NTPCR: variants seen among roughly 807,000 people sequenced by gnomAD.
NTPCR encodes cancer-related nucleoside-triphosphatase.
A neutral mutation model predicts 19.5 loss-of-function variants in NTPCR; 15 were observed. The ratio of observed to expected loss-of-function variants is 0.77; its 90% CI spans 0.51 to 1.18. NTPCR has a LOEUF of 1.18. Ranked by LOEUF, NTPCR falls within the 50% of genes most tolerant of loss-of-function variation. NTPCR has a pLI of 0.00. For missense variants in NTPCR, 206 were observed against 240.4 expected, an observed-to-expected ratio of 0.86 and a Z score of 0.95; for synonymous variants, 90 against 95.8, an observed-to-expected ratio of 0.94 and a Z score of 0.36.
chr1:232,972,505 C>T (rs1669012039), intron 4 of NTPCR, among the ~76,000 whole-genome samples: 1 of 152,106 alleles, frequency 6.6e-6, no homozygotes, highest in South Asian at 2.1e-4. Context: ...TGGCTCACTG[C>T]ATCCTCTGCC....
At chr1:232,976,493 C>T (rs781357322) in intron 4 of NTPCR, 54 of 1,542,904 alleles carry the variant, frequency 3.5e-5, no homozygotes, top group South Asian at 1.7e-4. Flanking sequence ...ACCTCTGTGT[C>T]GCCTCCTTTC....
At chr1:232,966,088 A>G (rs1454182978) in intron 3 of NTPCR, 1 of 152,224 alleles carries the variant, frequency 6.6e-6, no homozygotes, top group Non-Finnish European at 1.5e-5. Flanking sequence ...GAAGGCTTGG[A>G]ATAAACACAC....
rs1669204416 is a variant in NTPCR, at chr1:232,978,405, G to A, written c.*174G>A. On this transcript the variant is annotated 3_prime_UTR_variant, in exon 5 of 5. Coordinates refer to ENST00000366628, the MANE Select transcript of NTPCR (RefSeq NM_032324.3). ...TTTAAAAGATCAAATTAGCCTTAATGCTGGATTGTCTGTACAAGATTAACT... is the reference window on the plus strand; with the variant it reads ...TTTAAAAGATCAAATTAGCCTTAATACTGGATTGTCTGTACAAGATTAACT... The A allele has an allele frequency of 1.7e-6, 1 of 581,454 alleles. No homozygotes were observed. The highest frequency in any genetic ancestry group is 3.1e-6 in the Non-Finnish European group (1 of 326,938). The allele number at this position is 581,454 out of a possible 1,614,324, so 36.0% of individuals were successfully genotyped here. A position where few individuals can be genotyped will look rare whatever the true frequency, so the allele number is the denominator to read the frequency against.
In NTPCR at chr1:232,956,398, C is replaced by A. The variant is rs1394550659; in HGVS notation, c.249C>A (p.Val83=). Residue 83 remains valine (V), a synonymous_variant, in exon 3 of 5, where the codon GTC becomes GTA. Transcript: ENST00000366628. ...KRECRVGQYV[V]DLTSFEQLAL... ...AATGCCGAGTTGGGCAGTATGTGGT[C>A]GACCTGACTTCTTTTGAGCAGTTGG... is the stretch of plus-strand genomic sequence containing the variant. 2.5e-6 allele frequency: 4 copies of A among 1,613,864 alleles called. No individual in the cohort carries two copies. In the African/African-American group the frequency reaches 4.0e-5, roughly 16 times the overall value.
chr1:232,970,713 A>C (rs1668951993), intron 4 of NTPCR, among the ~76,000 whole-genome samples: 2 of 152,254 alleles, frequency 1.3e-5, no homozygotes, highest in Non-Finnish European at 2.9e-5. Flanking sequence ...AAATTGAATT[A>C]TTTATTTAAT....
rs1011046121 is a variant in NTPCR, at chr1:232,950,938, G to C, written c.34+194G>C. 4.1e-5 allele frequency: 23 copies of C among 567,842 alleles called. No individual in the cohort carries two copies. In the African/African-American group the frequency reaches 4.1e-4, roughly 10 times the overall value. The allele number at this position is 567,842 out of a possible 1,614,324, so 35.2% of individuals were successfully genotyped here. A position where few individuals can be genotyped will look rare whatever the true frequency, so the allele number is the denominator to read the frequency against. On this transcript the variant is annotated intron_variant, in intron 1 of 4. Transcript: ENST00000366628. ...GAAAACGTGATTTAAAAGACACAGGGCCTAAAGGATTAGAACACACTTGTG... is the reference window on the plus strand; with the variant it reads ...GAAAACGTGATTTAAAAGACACAGGCCCTAAAGGATTAGAACACACTTGTG...
intron 4 of NTPCR, among the ~76,000 whole-genome samples, chr1:232,971,945 G>A (rs1571966839): frequency 6.6e-6 from 1 of 152,344 alleles, no homozygotes; most frequent in Non-Finnish European, 1.5e-5. Flanking sequence ...AAGAAAATTA[G>A]TTTTGAGGTC....
At chr1:232,964,899 A>T (rs575237871) in intron 3 of NTPCR, 6 of 152,266 alleles carry the variant, frequency 3.9e-5, no homozygotes, top group African/African-American at 1.2e-4. Flanking sequence ...ATTTTTTTTA[A>T]TTTGGTTTTT....
At position 232,972,054 on chromosome 1, in the gene NTPCR, G is replaced by A. The variant is rs1023257503; in HGVS notation, c.504+1936G>A. On this transcript the variant is annotated intron_variant, in intron 4 of 4. Coordinates refer to ENST00000366628, the MANE Select transcript of NTPCR (RefSeq NM_032324.3). ...ATCTAATCTAACAGTCCTAAGGAAG[G>A]ATTGAAAGGAGCTGACTGTGATGCC... Among the ~76,000 whole-genome samples the A allele has an allele frequency of 3.9e-5, 6 of 152,308 alleles. No individual in the cohort carries two copies. In the South Asian group the frequency reaches 1.2e-3, roughly 32 times the overall value.
chr1:232,957,758 C>T (rs1319062931), intron 3 of NTPCR, among the ~76,000 whole-genome samples: 1 of 152,108 alleles, frequency 6.6e-6, no homozygotes, highest in African/African-American at 2.4e-5. Context: ...GAAAGGTAGA[C>T]ACTAAGTAAA....
At position 232,979,372 on chromosome 1, in the gene NTPCR, G is replaced by C. The variant is rs1322134778; in HGVS notation, c.*1141G>C. ...CTGTGGACAAGTCGGGCATGTGGCG[G>C]GTGAGGAGCCCTGGGCTGGGCACTG... On this transcript the variant is annotated 3_prime_UTR_variant, in exon 5 of 5. Coordinates refer to ENST00000366628, the MANE Select transcript of NTPCR (RefSeq NM_032324.3). This position sits in a 1 kb window ranked among gnomAD's most constrained non-coding sequence, Gnocchi z 5.3. 6.6e-6 allele frequency: 1 copy of C among 152,280 alleles called. No homozygotes were observed. The highest frequency in any genetic ancestry group is 2.4e-5 in the African/African-American group (1 of 41,434). The allele number at this position is 152,280 out of a possible 1,614,324, so 9.4% of individuals were successfully genotyped here. A position where few individuals can be genotyped will look rare whatever the true frequency, so the allele number is the denominator to read the frequency against.
intron 3 of NTPCR, chr1:232,963,168 G>A (rs1668714297): frequency 1.3e-5 from 2 of 152,168 alleles, no homozygotes; most frequent in South Asian, 4.1e-4. Flanking sequence ...AAGCTATCTG[G>A]CGCAAACAGA....
intron 1 of NTPCR, among the ~76,000 whole-genome samples, chr1:232,953,082 T>A (rs1668416888): frequency 6.6e-6 from 1 of 152,202 alleles, no homozygotes; most frequent in Non-Finnish European, 1.5e-5. Flanking sequence ...CCCTTAGGAT[T>A]CCCCAGGGGG....
chr1:232,966,743 G>C lies in NTPCR; in HGVS notation c.295-3166G>C, dbSNP rs887084579. On this transcript the variant is annotated intron_variant, in intron 3 of 4. Coordinates refer to ENST00000366628, the MANE Select transcript of NTPCR (RefSeq NM_032324.3). Reference sequence around the variant, plus strand: ...CCCGGAACAGGGAAACTAAAAGTGCGCTTCATGGCTGAACATTTATAATCA... The same window carrying C: ...CCCGGAACAGGGAAACTAAAAGTGCCCTTCATGGCTGAACATTTATAATCA... The C allele has an allele frequency of 4.6e-5, 7 of 152,178 alleles. No individual in the cohort carries two copies. In the East Asian group the frequency reaches 1.3e-3, roughly 29 times the overall value. 9.4% of individuals were successfully genotyped at this position (152,178 alleles called of 1,614,324 possible). A position where few individuals can be genotyped will look rare whatever the true frequency, so the allele number is the denominator to read the frequency against.
chr1:232,963,106 C>T (rs1668712293), intron 3 of NTPCR: 1 of 152,306 alleles, frequency 6.6e-6, no homozygotes, highest in South Asian at 2.1e-4. Context: ...GCTTCTGTTT[C>T]TCTACCTCAT....
chr1:232,953,862 A>G (rs1486171128), intron 1 of NTPCR, among the ~76,000 whole-genome samples: 1 of 152,160 alleles, frequency 6.6e-6, no homozygotes, highest in Non-Finnish European at 1.5e-5. Flanking sequence ...ATATTTTTTA[A>G]TGGTTGCATG....
intron 4 of NTPCR, among the ~76,000 whole-genome samples, chr1:232,975,733 G>C (rs1332257919): frequency 6.6e-6 from 1 of 152,154 alleles, no homozygotes; most frequent in Non-Finnish European, 1.5e-5. Context: ...GGTTCACTCA[G>C]CTTCCTTTCT....
At chr1:232,966,585 C>T (rs965231779) in intron 3 of NTPCR, 9 of 152,262 alleles carry the variant, frequency 5.9e-5, no homozygotes, top group South Asian at 2.1e-4. Flanking sequence ...ATAACTGGTA[C>T]GAAGATATTT....
chr1:232,969,909 G>T lies in NTPCR; in HGVS notation c.295G>T (p.Ala99Ser), dbSNP rs1458562548. 1 of 1,613,610 alleles carries T rather than the reference G, an allele frequency of 6.2e-7. No homozygotes were observed. Among genetic ancestry groups the T allele is most frequent in the South Asian group, 1.1e-5 (1 of 91,006 alleles). The change falls in exon 4 of 5, where the codon GCC becomes TCC. Residue 99 changes from alanine (A) to serine (S), a missense_variant and splice_region_variant. Physicochemically the swap from Ala to Ser is moderately conservative, Grantham distance 99 (BLOSUM62 1). Coordinates refer to ENST00000366628, the MANE Select transcript of NTPCR (RefSeq NM_032324.3). ...CAGTGAAAGTCTTTGTCATTCTCAG[G>T]CCGACTGCAGCAGTGGCCCAGGGCA... ...EQLALPVLRN[A>S]DCSSGPGQRV...
Sources: gnomAD v4.1 joint callset for allele counts (sites outside exome capture counted in the v4.1 genomes callset) on GRCh38, gnomAD v4.1.1 for gene constraint, Gnocchi (gnomAD v3.1) non-coding constraint, MANE v1.5 for transcripts, NCBI Gene and HGNC (gene_info 2026-07-23, HGNC 2026-07-21) for gene names.